HGD: variants seen among roughly 807,000 people sequenced by gnomAD.
HGD encodes homogentisate 1,2-dioxygenase.
HGD carries 61 observed loss-of-function variants against 60.8 expected under a neutral mutation model. The observed-to-expected ratio is 1.00, with a 90% CI of 0.82 to 1.24. The LOEUF is 1.24. Ranked by LOEUF, HGD falls within the 50% of genes most tolerant of loss-of-function variation. HGD has a pLI of 0.00. For missense variants in HGD, 542 were observed against 547.1 expected, an observed-to-expected ratio of 0.99 and a Z score of 0.09; for synonymous variants, 212 against 187.7, an observed-to-expected ratio of 1.13 and a Z score of -1.06.
At position 120,682,097 on chromosome 3, in the gene HGD, C is replaced by T. The variant is rs1708239888; in HGVS notation, c.15G>A (p.Lys5=). 6.2e-7 allele frequency: 1 copy of T among 1,614,006 alleles called. No homozygotes were observed. The highest frequency in any genetic ancestry group is 8.5e-7 in the Non-Finnish European group (1 of 1,179,882). MAEL[K]YISGFGNECS... is the part of the protein sequence containing the mutation. ...GCAAACTTGTCAGATGGTTTCTTAC[C>T]TTTAACTCAGCCATTTTCTCTCTCC... Residue 5 remains lysine, a splice_region_variant and synonymous_variant, in exon 1 of 14, where the codon AAG becomes AAA. Transcript: ENST00000283871.
chr3:120,638,557 T>C lies in HGD; in HGVS notation c.904A>G (p.Thr302Ala). The change falls in exon 12 of 14, where the codon ACT becomes GCT. Residue 302 changes from threonine (T) to alanine (A), a missense_variant. This residue lies in a region of HGD where 537 missense variants were observed against 529.1 expected (regional missense o/e 1.01). Coordinates refer to ENST00000283871, the MANE Select transcript of HGD (RefSeq NM_000187.4). ...ACTCCAGGGCGGACAGACTTAGCAG[T>C]CAATACTGTGAAAATGGATGGGTCC... is the stretch of plus-strand genomic sequence containing the variant. ...HADPSIFTVL[T>A]AKSVRPGVAI... The C allele has an allele frequency of 6.2e-7, 1 of 1,613,870 alleles. No individual in the cohort carries two copies. Among genetic ancestry groups the C allele is most frequent in the East Asian group, 2.2e-5 (1 of 44,860 alleles).
At chr3:120,650,024 G>A (rs1941290948) in intron 6 of HGD, among the ~76,000 whole-genome samples, 1 of 152,180 alleles carries the variant, frequency 6.6e-6, no homozygotes, top group African/African-American at 2.4e-5. Context: ...GGAGAAAGGT[G>A]CCTCTACTTG....
chr3:120,658,636 T>C (rs2107530249), intron 4 of HGD, among the ~76,000 whole-genome samples: 1 of 152,346 alleles, frequency 6.6e-6, no homozygotes, highest in South Asian at 2.1e-4. Context: ...CACTAGGCAA[T>C]GCCCCAGCGG....
chr3:120,647,155 G>A, intron 7 of HGD, 103 bp from the exon 8 acceptor site: 1 of 858,326 alleles, frequency 1.2e-6, no homozygotes, highest in Non-Finnish European at 2.0e-6. Flanking sequence ...CATTCCAAAT[G>A]CAAAGAGCTT....
At chr3:120,631,835 A>G (rs1464570433) in intron 13 of HGD, among the ~76,000 whole-genome samples, 1 of 152,180 alleles carries the variant, frequency 6.6e-6, no homozygotes, top group East Asian at 1.9e-4. Context: ...CCATCCTAAT[A>G]GGAGAGCTCT....
chr3:120,660,692 G>T (rs1156479420), intron 4 of HGD, among the ~76,000 whole-genome samples: 1 of 152,206 alleles, frequency 6.6e-6, no homozygotes, highest in Non-Finnish European at 1.5e-5. Context: ...GGGCATGGTG[G>T]TGGGCACCTG....
intron 1 of HGD, 106 bp from the exon 2 acceptor site, chr3:120,675,969 T>G: frequency 2.5e-6 from 2 of 804,558 alleles, no homozygotes; most frequent in Non-Finnish European, 4.5e-6. Flanking sequence ...CCTATGTTTG[T>G]GTATGATGTT....
chr3:120,628,640 CAA>C, intron 13 of HGD, 111 bp from the exon 14 acceptor site: 1 of 1,279,188 alleles, frequency 7.8e-7, no homozygotes. Context: ...AATAACAAAT[CAA>C]AGATTTGTGT....
In HGD at chr3:120,633,323, A is replaced by T; in HGVS notation, c.1012T>A (p.Cys338Ser). ...ATGAGTCCCATGAACTCACTCATGC[A>T]GTTCCCTGGGAAGGTTGAAGCAGTA... ...TFRPPYYHRN[C>S]MSEFMGLIRG... Residue 338 changes from cysteine (C) to serine (S), a missense_variant, in exon 13 of 14, where the codon TGC becomes AGC. Physicochemically the swap from Cys to Ser is moderately radical, Grantham distance 112. Coordinates refer to ENST00000283871, the MANE Select transcript of HGD (RefSeq NM_000187.4). 6.2e-7 allele frequency: 1 copy of T among 1,614,174 alleles called. No homozygotes were observed. The highest frequency in any genetic ancestry group is 8.5e-7 in the Non-Finnish European group (1 of 1,180,030).
intron 4 of HGD, among the ~76,000 whole-genome samples, chr3:120,663,474 T>G (rs1576309510): frequency 6.6e-6 from 1 of 152,154 alleles, no homozygotes; most frequent in African/African-American, 2.4e-5. Flanking sequence ...AGAAAGAGCT[T>G]GTGCAGATAG....
At chr3:120,656,646 G>T in intron 4 of HGD, among the ~76,000 whole-genome samples, 1 of 152,086 alleles carries the variant, frequency 6.6e-6, no homozygotes, top group Non-Finnish European at 1.5e-5. Context: ...CCACCTCCTG[G>T]GTTCAAGCGA....
At chr3:120,678,221 A>G (rs1340262713) in intron 1 of HGD, among the ~76,000 whole-genome samples, 2 of 152,194 alleles carry the variant, frequency 1.3e-5, no homozygotes, top group Non-Finnish European at 2.9e-5. Flanking sequence ...ACTGCATCCA[A>G]TTTTCTACTC....
chr3:120,671,104 CA>C (rs2107549849), intron 3 of HGD, among the ~76,000 whole-genome samples: 1 of 152,290 alleles, frequency 6.6e-6, no homozygotes, highest in East Asian at 1.9e-4. Context: ...CCAGTTTCTT[CA>C]GGGCTATTCC....
chr3:120,673,001 G>A (rs1210290855), intron 3 of HGD, among the ~76,000 whole-genome samples: 2 of 152,140 alleles, frequency 1.3e-5, no homozygotes, highest in Non-Finnish European at 2.9e-5. Flanking sequence ...CTCTTTAATA[G>A]TTTTGTGGTG....
In HGD at chr3:120,644,676, T is replaced by A. The variant is rs532952824; in HGVS notation, c.650-233A>T. The stretch of plus-strand genomic sequence containing the variant: ...TTACTTTCTAAGGTTGTGGAGTGAC[T>A]ATGGTTAACAAAACAATCTTATATG... On this transcript the variant is annotated intron_variant, in intron 9 of 13. Coordinates refer to ENST00000283871, the MANE Select transcript of HGD (RefSeq NM_000187.4). The A allele has an allele frequency of 4.1e-4, 592 of 1,428,104 alleles. 8 individuals carry two copies. The South Asian group carries it at 6.9e-3, about 17-fold the overall frequency. 88.5% of individuals were successfully genotyped at this position (1,428,104 alleles called of 1,614,324 possible).
chr3:120,678,945 T>G (rs765836914), intron 1 of HGD, among the ~76,000 whole-genome samples: 3 of 152,232 alleles, frequency 2.0e-5, no homozygotes, highest in Non-Finnish European at 4.4e-5. Flanking sequence ...AGTGCCTATG[T>G]AAAAGTATAC....
intron 12 of HGD, among the ~76,000 whole-genome samples, chr3:120,637,307 GAAA>G (rs63466560): frequency 4.1e-4 from 47 of 113,744 alleles, no homozygotes; most frequent in African/African-American, 1.3e-3. Flanking sequence ...TTAATTTTCT[GAAA>G]AAAAAAAAAA....
At chr3:120,665,878 C>T (rs908480913) in intron 4 of HGD, among the ~76,000 whole-genome samples, 2 of 152,176 alleles carry the variant, frequency 1.3e-5, no homozygotes, top group Non-Finnish European at 2.9e-5. Context: ...ATCACACAGG[C>T]TTCAGCTGGG....
intron 4 of HGD, among the ~76,000 whole-genome samples, chr3:120,666,180 C>G (rs932673979): frequency 6.6e-6 from 1 of 152,052 alleles, no homozygotes; most frequent in South Asian, 2.1e-4. Context: ...TGGTTGGAGC[C>G]GGTGTTCACA....
Sources: gnomAD v4.1 joint callset for allele counts (sites outside exome capture counted in the v4.1 genomes callset) on GRCh38, gnomAD v4.1.1 for gene constraint, gnomAD v4.1.1 regional missense constraint, MANE v1.5 for transcripts, NCBI Gene and HGNC (gene_info 2026-07-23, HGNC 2026-07-21) for gene names.